RGS6: variants seen among roughly 807,000 people sequenced by gnomAD.
RGS6 encodes regulator of G protein signaling 6, also known as regulator of G-protein signaling 6.
A neutral mutation model predicts 78.5 loss-of-function variants in RGS6; 30 were observed. That is an observed-to-expected ratio of 0.38 (90% confidence interval 0.29 to 0.52). The LOEUF is 0.52. Ranked by LOEUF, RGS6 falls within the 20% of genes least tolerant of loss-of-function variation. The pLI is 0.85. For synonymous variants in RGS6, 206 were observed against 206.0 expected, an observed-to-expected ratio of 1.00 and a Z score of 0.00; for missense variants, 495 against 609.7, an observed-to-expected ratio of 0.81 and a Z score of 1.98.
Position 72,047,892 on chromosome 14 carries a change from ATTTTTGT to A in RGS6, c.84+83023_84+83029del, listed in dbSNP as rs1224229712. Among the ~76,000 whole-genome samples, 220 of 83,458 alleles carry A rather than the reference ATTTTTGT, an allele frequency of 2.6e-3. 2 individuals are homozygous for A. The highest frequency in any genetic ancestry group is 0.011 in the African/African-American group (209 of 18,890). 54.8% of individuals were successfully genotyped at this position (83,458 alleles called of 152,430 possible). Reference sequence around the variant, plus strand: ...AGGCATGTGCCACTATGCCCAGCTAATTTTTGTTTTTTTTTTTTTTTTTTTTTTTAGT... The same window carrying A: ...AGGCATGTGCCACTATGCCCAGCTAATTTTTTTTTTTTTTTTTTTTTTAGT... On this transcript the variant is annotated intron_variant, in intron 2 of 17. Coordinates refer to ENST00000553525, the MANE Select transcript of RGS6 (RefSeq NM_001204424.2).
chr14:72,117,400 C>A (rs1466327302), intron 2 of RGS6, among the ~76,000 whole-genome samples: 2 of 152,092 alleles, frequency 1.3e-5, no homozygotes, highest in African/African-American at 2.4e-5. Context: ...CTCTCTCTTG[C>A]TCCAGCTCTC....
chr14:72,459,713 A>T lies in RGS6; in HGVS notation c.394+30A>T, dbSNP rs772085171. The T allele has an allele frequency of 2.4e-5, 39 of 1,608,650 alleles. No homozygotes were observed. In the East Asian group the frequency reaches 7.6e-4, roughly 31 times the overall value. On this transcript the variant is annotated intron_variant, in intron 6 of 17. Coordinates refer to ENST00000553525, the MANE Select transcript of RGS6 (RefSeq NM_001204424.2). Reference sequence around the variant, plus strand: ...GAACTGAAGCCACTGGGAACTCTCAACTTCAACACTGTGTGTCACTTCTGG... The same window carrying T: ...GAACTGAAGCCACTGGGAACTCTCATCTTCAACACTGTGTGTCACTTCTGG...
intron 2 of RGS6, among the ~76,000 whole-genome samples, chr14:72,138,966 C>A (rs1344037268): frequency 6.6e-6 from 1 of 152,096 alleles, no homozygotes; most frequent in East Asian, 1.9e-4. Context: ...TGAATCAGCC[C>A]AAAGTCACCC....
intron 2 of RGS6, among the ~76,000 whole-genome samples, chr14:72,048,129 A>G (rs1313239551): frequency 6.6e-6 from 1 of 152,128 alleles, no homozygotes; most frequent in Non-Finnish European, 1.5e-5. Flanking sequence ...GACGTTTCCT[A>G]TGCAGTTATA....
At chr14:72,238,676 T>C (rs1328885929) in intron 2 of RGS6, among the ~76,000 whole-genome samples, 2 of 152,168 alleles carry the variant, frequency 1.3e-5, no homozygotes, top group African/African-American at 4.8e-5. Flanking sequence ...AAAAGTGACC[T>C]AAGCCAATCT....
rs559428538 is a variant in RGS6, at chr14:72,355,414, C to G, written c.184+3220C>G. 1.5e-3 allele frequency among the ~76,000 whole-genome samples: 230 copies of G among 152,176 alleles called. 1 individual carries two copies. The highest frequency in any genetic ancestry group is 2.8e-3 in the Non-Finnish European group (189 of 67,996). ...TTCACCATGTTGCCCAGGCTGGTCTCGAACTCTTGACCTTAGGTGATCCGC... is the reference window on the plus strand; with the variant it reads ...TTCACCATGTTGCCCAGGCTGGTCTGGAACTCTTGACCTTAGGTGATCCGC... On this transcript the variant is annotated intron_variant, in intron 3 of 17. Transcript: ENST00000553525.
intron 13 of RGS6, among the ~76,000 whole-genome samples, chr14:72,506,466 C>T (rs756608247): frequency 1.3e-5 from 2 of 152,154 alleles, no homozygotes; most frequent in African/African-American, 2.4e-5. Flanking sequence ...CCATAAGAGA[C>T]CATTCAGTGG....
intron 2 of RGS6, among the ~76,000 whole-genome samples, chr14:72,048,017 T>C (rs1198007829): frequency 2.0e-5 from 3 of 151,028 alleles, no homozygotes; most frequent in African/African-American, 2.4e-5. Flanking sequence ...ATGCCCACCA[T>C]TGAGGTAGAC....
intron 2 of RGS6, among the ~76,000 whole-genome samples, chr14:72,327,965 T>A (rs1446969719): frequency 1.3e-5 from 2 of 152,156 alleles, no homozygotes. Flanking sequence ...TTCACGTGTT[T>A]GTAGAGGCTG....
chr14:72,214,618 A>G (rs1478605348), intron 2 of RGS6, among the ~76,000 whole-genome samples: 2 of 152,212 alleles, frequency 1.3e-5, no homozygotes, highest in East Asian at 3.8e-4. Flanking sequence ...GCTTAATTAT[A>G]TGTATAATAT....
intron 3 of RGS6, among the ~76,000 whole-genome samples, chr14:72,418,495 A>T (rs780864786): frequency 3.9e-5 from 6 of 152,166 alleles, no homozygotes; most frequent in Admixed American, 6.5e-5. Context: ...TTTACCAGGA[A>T]ATAGGATTAA....
At chr14:72,168,501 C>A (rs935757419) in intron 2 of RGS6, among the ~76,000 whole-genome samples, 1 of 152,198 alleles carries the variant, frequency 6.6e-6, no homozygotes, top group Admixed American at 6.5e-5. Flanking sequence ...AGTACACAAC[C>A]AATTTCGAAG....
chr14:72,361,083 C>CTTT lies in RGS6; in HGVS notation c.184+8906_184+8908dup, dbSNP rs56251149. On this transcript the variant is annotated intron_variant, in intron 3 of 17. Coordinates refer to ENST00000553525, the MANE Select transcript of RGS6 (RefSeq NM_001204424.2). ...ACGGAACTGTGATTCAATCAAACCTCTTTTTTTTTTTTTTTTTTTCATAAA... is the reference window on the plus strand; with the variant it reads ...ACGGAACTGTGATTCAATCAAACCTCTTTTTTTTTTTTTTTTTTTTTTCATAAA... Among the ~76,000 whole-genome samples the CTTT allele has an allele frequency of 2.0e-3, 271 of 138,390 alleles. 1 individual carries two copies. In the East Asian group the frequency reaches 0.022, roughly 11 times the overall value. The allele number at this position is 138,390 out of a possible 152,430, so 90.8% of individuals were successfully genotyped here.
chr14:72,348,308 T>C (rs1253383638), intron 2 of RGS6, among the ~76,000 whole-genome samples: 1 of 152,266 alleles, frequency 6.6e-6, no homozygotes, highest in East Asian at 1.9e-4. Flanking sequence ...TGTTTGACCT[T>C]GGATAAATTG....
At chr14:72,620,117 T>A in the RGS6 span, 1 of 828,160 alleles carries the variant, frequency 1.2e-6, no homozygotes, top group East Asian at 2.8e-5. Flanking sequence ...CCACTTGGAG[T>A]CCTCACTGTC....
intron 3 of RGS6, among the ~76,000 whole-genome samples, chr14:72,377,381 C>T (rs1040206356): frequency 6.6e-6 from 1 of 152,036 alleles, no homozygotes; most frequent in Admixed American, 6.6e-5. Flanking sequence ...AACACTAGGG[C>T]ACCTAGATAT....
At chr14:72,106,948 C>A (rs2095645828) in intron 2 of RGS6, among the ~76,000 whole-genome samples, 1 of 151,642 alleles carries the variant, frequency 6.6e-6, no homozygotes, top group African/African-American at 2.4e-5. Context: ...TTCTTTTTTT[C>A]ATCAGGAGGC....
chr14:72,347,182 T>G (rs2078219329), intron 2 of RGS6, among the ~76,000 whole-genome samples: 1 of 152,210 alleles, frequency 6.6e-6, no homozygotes, highest in Non-Finnish European at 1.5e-5. Flanking sequence ...GTCAGGGAAT[T>G]GATTTTGCTC....
intron 2 of RGS6, among the ~76,000 whole-genome samples, chr14:72,142,783 G>A (rs768904600): frequency 6.6e-6 from 1 of 152,174 alleles, no homozygotes; most frequent in Non-Finnish European, 1.5e-5. Context: ...ACACAGGTGA[G>A]GCTTTATTTA....
Sources: allele counts gnomAD v4.1 joint callset (sites outside exome capture counted in the v4.1 genomes callset), GRCh38; gene constraint gnomAD v4.1.1; transcripts MANE v1.5; gene names NCBI Gene and HGNC (gene_info 2026-07-23, HGNC 2026-07-21).